SORCS3: variants seen among roughly 807,000 people sequenced by gnomAD.
SORCS3 encodes VPS10 domain-containing receptor SorCS3.
In SORCS3, 57 loss-of-function variants were observed where a neutral mutation model predicts 146.3. That is an observed-to-expected ratio of 0.39 (90% CI 0.31 to 0.49). The LOEUF is 0.49. SORCS3 is among the 20% of genes least tolerant of loss of function. SORCS3 has a pLI of 0.92. For synonymous variants in SORCS3, 653 were observed against 618.5 expected, an observed-to-expected ratio of 1.06 and a Z score of -0.83; for missense variants, 1,341 against 1,575.5, an observed-to-expected ratio of 0.85 and a Z score of 2.52.
At chr10:104,927,606 C>T (rs1014446158) in intron 3 of SORCS3, among the ~76,000 whole-genome samples, 25 of 152,110 alleles carry the variant, frequency 1.6e-4, no homozygotes, top group African/African-American at 4.8e-4. Flanking sequence ...AAGCTGAGCA[C>T]GGTGGCTCAC....
At chr10:104,738,041 CCCATTG>C (rs2016796748) in intron 1 of SORCS3, among the ~76,000 whole-genome samples, 1 of 151,840 alleles carries the variant, frequency 6.6e-6, no homozygotes, top group Non-Finnish European at 1.5e-5. Flanking sequence ...GAATCCTTTC[CCCATTG>C]CTTGTTTTTC....
At chr10:104,978,337 A>G (rs1338087126) in intron 4 of SORCS3, among the ~76,000 whole-genome samples, 2 of 152,186 alleles carry the variant, frequency 1.3e-5, no homozygotes, top group Admixed American at 1.3e-4. Flanking sequence ...GTTATTTTCT[A>G]AAAATACATT....
chr10:104,889,538 C>A (rs1347045201), intron 2 of SORCS3, among the ~76,000 whole-genome samples: 4 of 147,360 alleles, frequency 2.7e-5, no homozygotes, highest in African/African-American at 1.0e-4. Context: ...TTAGGGGTTG[C>A]TTTTGGGTTT....
At chr10:104,661,088 C>T (rs1039860999) in intron 1 of SORCS3, among the ~76,000 whole-genome samples, 11 of 152,190 alleles carry the variant, frequency 7.2e-5, no homozygotes, top group African/African-American at 2.4e-4. Context: ...TAATGAAGAA[C>T]CACTTAAACA....
At chr10:105,256,788 G>C in intron 24 of SORCS3, 31 bp from the exon 25 acceptor site, 1 of 1,564,110 alleles carries the variant, frequency 6.4e-7, no homozygotes, top group Non-Finnish European at 8.8e-7. Context: ...GAGCATATCT[G>C]TTCTTTTCCT....
At chr10:105,245,827 G>C (rs1205403982) in intron 21 of SORCS3, among the ~76,000 whole-genome samples, 162 bp downstream of exon 21, 1 of 152,180 alleles carries the variant, frequency 6.6e-6, no homozygotes, top group Non-Finnish European at 1.5e-5. Flanking sequence ...TAGAGATTGA[G>C]GTTATAAGAG....
At chr10:105,188,158 G>C (rs997061906) in intron 14 of SORCS3, among the ~76,000 whole-genome samples, 4 of 151,308 alleles carry the variant, frequency 2.6e-5, no homozygotes, top group Admixed American at 6.6e-5. Context: ...GCCTGAGAAA[G>C]AATAACATGC....
At chr10:104,899,194 A>G (rs1333410062) in intron 2 of SORCS3, among the ~76,000 whole-genome samples, 1 of 152,230 alleles carries the variant, frequency 6.6e-6, no homozygotes, top group Admixed American at 6.5e-5. Context: ...TTCAGAGGAA[A>G]TATTCATTTA....
At chr10:104,701,877 T>C (rs2016282948) in intron 1 of SORCS3, among the ~76,000 whole-genome samples, 1 of 152,230 alleles carries the variant, frequency 6.6e-6, no homozygotes, top group South Asian at 2.1e-4. Flanking sequence ...ATATTTTATT[T>C]AATTTTGGCT....
intron 16 of SORCS3, among the ~76,000 whole-genome samples, chr10:105,202,819 C>T (rs1310293339): frequency 1.3e-5 from 2 of 152,206 alleles, no homozygotes; most frequent in African/African-American, 4.8e-5. Flanking sequence ...TCTTCCCCTG[C>T]ATCACAATAA....
chr10:105,161,457 G>C (rs191493807), intron 11 of SORCS3, among the ~76,000 whole-genome samples: 1 of 152,080 alleles, frequency 6.6e-6, no homozygotes, highest in Non-Finnish European at 1.5e-5. Flanking sequence ...CACTCCCACT[G>C]CTGACTCCCT....
intron 20 of SORCS3, among the ~76,000 whole-genome samples, chr10:105,228,618 G>A (rs990745300): frequency 2.0e-5 from 3 of 151,998 alleles, no homozygotes; most frequent in African/African-American, 7.3e-5. Context: ...TCTTTGCTAG[G>A]TATAATATTC....
At chr10:105,000,030 T>C (rs73334065) in intron 4 of SORCS3, among the ~76,000 whole-genome samples, 11,378 of 151,776 alleles carry the variant, frequency 0.075, 479 homozygotes, top group African/African-American at 0.1. Flanking sequence ...TTCCTAAAGC[T>C]CAGCTCTGGT....
At chr10:105,210,571 G>A (rs935676884) in intron 16 of SORCS3, among the ~76,000 whole-genome samples, 1 of 152,196 alleles carries the variant, frequency 6.6e-6, no homozygotes, top group Non-Finnish European at 1.5e-5. Context: ...GAAAGAAATA[G>A]TAGCGGACTT....
chr10:105,122,924 G>A (rs749677751), intron 7 of SORCS3, among the ~76,000 whole-genome samples: 5 of 152,178 alleles, frequency 3.3e-5, no homozygotes, highest in Non-Finnish European at 7.3e-5. Context: ...GGGAGTTGGC[G>A]TTCCTGGGTT....
At chr10:105,027,728 C>T (rs2055240129) in intron 4 of SORCS3, among the ~76,000 whole-genome samples, 1 of 152,162 alleles carries the variant, frequency 6.6e-6, no homozygotes, top group African/African-American at 2.4e-5. Context: ...CTATTTTGTG[C>T]CACATATTTT....
intron 6 of SORCS3, among the ~76,000 whole-genome samples, chr10:105,101,945 A>C (rs1379756406): frequency 1.8e-4 from 28 of 152,202 alleles, no homozygotes; most frequent in Admixed American, 1.8e-3. Flanking sequence ...TATGGTTCCA[A>C]GAATATTCCT....
intron 5 of SORCS3, among the ~76,000 whole-genome samples, chr10:105,064,766 C>G (rs1398410952): frequency 6.9e-6 from 1 of 145,802 alleles, no homozygotes; most frequent in African/African-American, 2.4e-5. Flanking sequence ...TTCACCTTTC[C>G]TCTTTTTGTT....
chr10:105,003,136 C>T (rs2055071922), intron 4 of SORCS3, among the ~76,000 whole-genome samples: 2 of 152,164 alleles, frequency 1.3e-5, no homozygotes, highest in African/African-American at 4.8e-5. Context: ...GCATCGCTCT[C>T]ATAGTGATGG....
Sources: gnomAD v4.1 joint callset for allele counts (sites outside exome capture counted in the v4.1 genomes callset) on GRCh38, gnomAD v4.1.1 for gene constraint, MANE v1.5 for transcripts, NCBI Gene and HGNC (gene_info 2026-07-23, HGNC 2026-07-21) for gene names.